Variants in FGF13 observed in about 807,000 individuals in gnomAD.
FGF13 encodes the protein fibroblast growth factor homologous factor 2.
FGF13 carries 2 observed loss-of-function variants against 19.5 expected under a neutral mutation model. That is an observed-to-expected ratio of 0.10 (90% confidence interval 0.04 to 0.32). FGF13 has a LOEUF of 0.32. Ranked by LOEUF, FGF13 falls within the 10% of genes least tolerant of loss-of-function variation. FGF13 has a pLI of 1.00. For synonymous variants in FGF13, 72 were observed against 76.9 expected (o/e 0.94, Z 0.33); for missense variants, 113 against 192.7 (o/e 0.59, Z 2.45).
intron 3 of FGF13, among the ~76,000 whole-genome samples, chrX:138,845,174 G>A (rs2091173031): frequency 9.0e-6 from 1 of 111,197 alleles, no homozygotes; most frequent in Non-Finnish European, 1.9e-5. Flanking sequence ...ATGTATTAGA[G>A]TGTTTTTGAA....
chrX:138,933,890 G>A (rs768573254), intron 1 of FGF13, among the ~76,000 whole-genome samples: 4 of 111,665 alleles, frequency 3.6e-5, no homozygotes, highest in Non-Finnish European at 5.6e-5. Context: ...GTCATCTTTC[G>A]ATTTGCAGAA....
chrX:139,117,143 C>A (rs1206036617), intron 1 of FGF13, among the ~76,000 whole-genome samples: 1 of 111,140 alleles, frequency 9.0e-6, no homozygotes, highest in Non-Finnish European at 1.9e-5. Context: ...CCCAGTGGTT[C>A]TCAACTGGGG....
intron 1 of FGF13, among the ~76,000 whole-genome samples, chrX:139,076,592 G>A (rs1208245208): frequency 1.8e-5 from 2 of 111,313 alleles, no homozygotes; most frequent in Non-Finnish European, 1.9e-5. Flanking sequence ...TCATTTCATT[G>A]ACCAGTGAAA....
chrX:138,648,882 T>G (rs749796734), intron 3 of FGF13, among the ~76,000 whole-genome samples: 1 of 112,003 alleles, frequency 8.9e-6, no homozygotes, highest in Non-Finnish European at 1.9e-5. Flanking sequence ...TACCATTGAT[T>G]ATTTCTGAAG....
intron 3 of FGF13, among the ~76,000 whole-genome samples, chrX:138,652,489 T>C (rs902910577): frequency 8.9e-6 from 1 of 111,990 alleles, no homozygotes; most frequent in Non-Finnish European, 1.9e-5. Context: ...ATTCCTGACA[T>C]AAAAATTTAC....
chrX:139,192,967 CTGTATTCTCAG>C (rs768704839), intron 1 of FGF13, among the ~76,000 whole-genome samples: 24 of 111,859 alleles, frequency 2.1e-4, no homozygotes, highest in African/African-American at 7.5e-4. Flanking sequence ...CCGCTCACTG[CTGTATTCTCAG>C]TGTCTAAGAA....
chrX:139,167,279 C>T (rs368930859), intron 1 of FGF13, among the ~76,000 whole-genome samples: 6 of 111,593 alleles, frequency 5.4e-5, no homozygotes, highest in African/African-American at 2.0e-4. Context: ...GGCATAGTAG[C>T]TGGCGTATAG....
intron 1 of FGF13, among the ~76,000 whole-genome samples, chrX:139,132,942 A>C (rs998315212): frequency 5.4e-5 from 6 of 111,445 alleles, no homozygotes; most frequent in African/African-American, 2.0e-4. Flanking sequence ...AAATCCACAT[A>C]CTTCTTTTCT....
intron 1 of FGF13, among the ~76,000 whole-genome samples, chrX:138,879,521 A>T: frequency 9.0e-6 from 1 of 111,487 alleles, no homozygotes; most frequent in Non-Finnish European, 1.9e-5. Flanking sequence ...ACGTTAGTTA[A>T]TTTTTTTATT....
In FGF13 at chrX:139,186,738, C is replaced by T. The variant is rs190759976; in HGVS notation, c.-113+16678G>A. On this transcript the variant is annotated intron_variant, in intron 1 of 2. Coordinates refer to the FGF13 transcript ENST00000421460. The stretch of plus-strand genomic sequence containing the variant: ...ACATTTACATTTGCAATACCCTTCC[C>T]TCTCTCTCTCCCTTCCTTCCTGCCA... Among the ~76,000 whole-genome samples the T allele has an allele frequency of 1.5e-3, 164 of 111,672 alleles. 1 individual carries two copies. The highest frequency in any genetic ancestry group is 5.0e-3 in the African/African-American group (153 of 30,706).
chrX:138,707,090 T>C (rs781044189), intron 2 of FGF13, among the ~76,000 whole-genome samples: 1 of 111,870 alleles, frequency 8.9e-6, no homozygotes, highest in Admixed American at 9.5e-5. Flanking sequence ...GCTATGCATA[T>C]GTAGGAACTG....
chrX:138,877,145 A>G, intron 1 of FGF13, among the ~76,000 whole-genome samples: 1 of 110,606 alleles, frequency 9.0e-6, no homozygotes, highest in Non-Finnish European at 1.9e-5. Context: ...ACGGGAACTT[A>G]GAGGACAAGT....
chrX:138,978,483 C>T (rs886230532), intron 1 of FGF13, among the ~76,000 whole-genome samples: 7 of 110,629 alleles, frequency 6.3e-5, no homozygotes, highest in African/African-American at 1.3e-4. Context: ...AAGATGGTCT[C>T]GATCTCCTGA....
At chrX:138,799,031 T>C (rs192572863) in intron 3 of FGF13, among the ~76,000 whole-genome samples, 2 of 112,108 alleles carry the variant, frequency 1.8e-5, no homozygotes, top group East Asian at 5.6e-4. Context: ...TCATTGATTT[T>C]TGAAGGGTTT....
At position 139,202,330 on chromosome X, in the gene FGF13, T is replaced by C. The variant is rs192520137; in HGVS notation, c.-113+1086A>G. On this transcript the variant is annotated intron_variant, in intron 1 of 2. Transcript: ENST00000421460. ...TCAATCTGGTGCTACATTCTTTAAT[T>C]ACATTTACTTCTCTGGGCCCTCAGT... Among the ~76,000 whole-genome samples, 242 of 111,970 alleles carry C rather than the reference T, an allele frequency of 2.2e-3. 1 individual carries two copies. Among genetic ancestry groups the C allele is most frequent in the Non-Finnish European group, 4.1e-3 (217 of 53,192 alleles).
At chrX:138,850,436 G>T in intron 3 of FGF13, among the ~76,000 whole-genome samples, 1 of 111,971 alleles carries the variant, frequency 8.9e-6, no homozygotes, top group Non-Finnish European at 1.9e-5. Context: ...AAGAGAAATA[G>T]AATTAAATAC....
intron 1 of FGF13, among the ~76,000 whole-genome samples, chrX:139,009,898 G>A (rs775967756): frequency 8.9e-6 from 1 of 111,758 alleles, no homozygotes; most frequent in East Asian, 2.8e-4. Flanking sequence ...AGTTTCTGCT[G>A]TCTTCAGGAG....
intron 1 of FGF13, among the ~76,000 whole-genome samples, chrX:138,905,656 T>A (rs1163267774): frequency 8.9e-6 from 1 of 112,181 alleles, no homozygotes; most frequent in East Asian, 2.8e-4. Flanking sequence ...AAATTTCACT[T>A]TTGTGAATGA....
chrX:138,877,441 A>G (rs1332127006), intron 1 of FGF13, among the ~76,000 whole-genome samples: 1 of 111,976 alleles, frequency 8.9e-6, no homozygotes, highest in Non-Finnish European at 1.9e-5. Flanking sequence ...GTGGTAAAAT[A>G]TATACAGCGT....
Sources: allele counts gnomAD v4.1 joint callset (sites outside exome capture counted in the v4.1 genomes callset), GRCh38; gene constraint gnomAD v4.1.1; transcripts MANE v1.5; gene names NCBI Gene and HGNC (gene_info 2026-07-23, HGNC 2026-07-21).